The following SPA17 variants were observed in gnomAD, a reference collection of about 807,000 sequenced individuals.
The protein encoded by SPA17 is sperm autoantigenic protein 17, also known as sperm surface protein Sp17.
In SPA17, 7 loss-of-function variants were observed where a neutral mutation model predicts 13.8. The observed-to-expected ratio is 0.51, with a 90% CI of 0.29 to 0.95. SPA17 has a LOEUF of 0.95. Ranked by LOEUF, SPA17 falls within the 40% of genes least tolerant of loss-of-function variation. SPA17 has a pLI of 0.08. For synonymous variants in SPA17, 61 were observed against 59.0 expected (o/e 1.03, Z -0.16); for missense variants, 170 against 179.3 (o/e 0.95, Z 0.30).
intron 4 of SPA17, among the ~76,000 whole-genome samples, chr11:124,692,070 C>T (rs1171788362): frequency 1.3e-5 from 2 of 152,182 alleles, no homozygotes; most frequent in East Asian, 3.9e-4. Flanking sequence ...CAGACCCAGT[C>T]ATGATCCTTC....
chr11:124,681,308 A>G (rs1190394688), intron 2 of SPA17, 81 bp from the exon 3 acceptor site: 2 of 1,163,230 alleles, frequency 1.7e-6, no homozygotes, highest in East Asian at 2.8e-5. Context: ...TTGAAACAAG[A>G]AACTTACATT....
At position 124,694,693 on chromosome 11, in the gene SPA17, A is replaced by G. The variant is rs1943656318; in HGVS notation, c.*247A>G. The G allele has an allele frequency of 5.6e-6, 2 of 355,102 alleles. No individual in the cohort carries two copies. Among genetic ancestry groups the G allele is most frequent in the Non-Finnish European group, 1.0e-5 (2 of 198,432 alleles). The allele number at this position is 355,102 out of a possible 1,614,324, so 22.0% of individuals were successfully genotyped here. On this transcript the variant is annotated 3_prime_UTR_variant, in exon 5 of 5. Transcript: ENST00000227135. ...CCTATCTATAGAGACCCTTGGATTT[A>G]GAATTATAGAACTAAAGTATCTGAG...
At chr11:124,684,966 T>A (rs1462447667) in intron 3 of SPA17, among the ~76,000 whole-genome samples, 1 of 152,218 alleles carries the variant, frequency 6.6e-6, no homozygotes, top group African/African-American at 2.4e-5. Context: ...ATCATAAAAG[T>A]TTGGAAAATT....
chr11:124,688,891 C>T (rs1943599168), intron 3 of SPA17, among the ~76,000 whole-genome samples: 1 of 152,154 alleles, frequency 6.6e-6, no homozygotes, highest in Non-Finnish European at 1.5e-5. Flanking sequence ...GTGGAAAAGA[C>T]AGCAATTACT....
chr11:124,693,909 T>G (rs1943647545), intron 4 of SPA17, among the ~76,000 whole-genome samples: 1 of 152,206 alleles, frequency 6.6e-6, no homozygotes, highest in South Asian at 2.1e-4. Flanking sequence ...TCTAATTCAT[T>G]ATATGTAATT....
At chr11:124,691,845 C>A in intron 4 of SPA17, 63 bp downstream of exon 4, 2 of 1,046,268 alleles carry the variant, frequency 1.9e-6, no homozygotes, top group Non-Finnish European at 2.8e-6. Flanking sequence ...CAATTTAAAA[C>A]TGAACTCCAA....
chr11:124,678,372 G>A (rs969574556), intron 2 of SPA17, among the ~76,000 whole-genome samples: 3 of 151,974 alleles, frequency 2.0e-5, no homozygotes, highest in Non-Finnish European at 4.4e-5. Flanking sequence ...GTCTCATGAT[G>A]TTGTCCAGGC....
rs565184948 is a variant in SPA17, at chr11:124,673,926, G to C, written c.-54G>C. The C allele has an allele frequency of 3.4e-6, 2 of 587,990 alleles. No homozygotes were observed. The highest frequency in any genetic ancestry group is 3.0e-6 in the Non-Finnish European group (1 of 332,430). 36.4% of individuals were successfully genotyped at this position (587,990 alleles called of 1,614,324 possible). ...AGCAACTAGAAAAACAACCGGAACC[G>C]GCGGCACCAGCTCGGAGAGAAAGGA... On this transcript the variant is annotated 5_prime_UTR_variant, in exon 1 of 5. Transcript: ENST00000227135.
At chr11:124,692,929 A>G (rs1943637141) in intron 4 of SPA17, among the ~76,000 whole-genome samples, 1 of 152,198 alleles carries the variant, frequency 6.6e-6, no homozygotes, top group African/African-American at 2.4e-5. Flanking sequence ...GGAATACCCT[A>G]CTTCCTACCT....
intron 3 of SPA17, among the ~76,000 whole-genome samples, chr11:124,682,612 A>G (rs1943539061): frequency 1.3e-5 from 2 of 152,180 alleles, no homozygotes; most frequent in Non-Finnish European, 2.9e-5. Flanking sequence ...AAATACATTC[A>G]AAAGATTTAA....
intron 4 of SPA17, among the ~76,000 whole-genome samples, chr11:124,692,449 G>A (rs559145537): frequency 2.2e-4 from 34 of 152,102 alleles, no homozygotes; most frequent in African/African-American, 6.0e-4. Flanking sequence ...GCATGGTGGC[G>A]GGCGCCTGTA....
At chr11:124,684,965 G>T (rs927831005) in intron 3 of SPA17, among the ~76,000 whole-genome samples, 1 of 152,226 alleles carries the variant, frequency 6.6e-6, no homozygotes, top group Non-Finnish European at 1.5e-5. Flanking sequence ...GATCATAAAA[G>T]TTTGGAAAAT....
At chr11:124,690,548 A>G (rs1325564698) in intron 3 of SPA17, among the ~76,000 whole-genome samples, 2 of 152,232 alleles carry the variant, frequency 1.3e-5, no homozygotes, top group South Asian at 4.1e-4. Context: ...GACACCCTAA[A>G]AGCCCTGACT....
chr11:124,679,378 A>T (rs1056581237), intron 2 of SPA17, among the ~76,000 whole-genome samples: 2 of 152,150 alleles, frequency 1.3e-5, no homozygotes, highest in Non-Finnish European at 2.9e-5. Context: ...GTTATTCTGA[A>T]ATTATATAGT....
rs1943672833 is a variant in SPA17, at chr11:124,696,507, CATG to C, written c.*2062_*2064del. 1 of 150,608 alleles carries C rather than the reference CATG, an allele frequency of 6.6e-6. No individual in the cohort carries two copies. The highest frequency in any genetic ancestry group is 1.5e-5 in the Non-Finnish European group (1 of 67,812). 9.3% of individuals were successfully genotyped at this position (150,608 alleles called of 1,614,324 possible). ...CACACACACACACACACACAGATCT[CATG>C]GTAGTGATATTGGTAGTGAAGGAGG... On this transcript the variant is annotated 3_prime_UTR_variant, in exon 5 of 5. Coordinates refer to ENST00000227135, the MANE Select transcript of SPA17 (RefSeq NM_017425.4).
chr11:124,677,743 A>AT (rs1171451798), intron 2 of SPA17, among the ~76,000 whole-genome samples: 1 of 152,244 alleles, frequency 6.6e-6, no homozygotes, highest in Non-Finnish European at 1.5e-5. Context: ...TTATATCCCA[A>AT]TGGGTTAATA....
chr11:124,691,398 A>G (rs1004403686), intron 3 of SPA17, among the ~76,000 whole-genome samples: 1 of 152,206 alleles, frequency 6.6e-6, no homozygotes, highest in African/African-American at 2.4e-5. Flanking sequence ...AACTTTTAGT[A>G]TAGGACAGTG....
Position 124,681,433 on chromosome 11 carries a change from C to T in SPA17, c.199C>T (p.Arg67Cys), listed in dbSNP as rs925623136. 4.4e-5 allele frequency: 70 copies of T among 1,585,540 alleles called. No individual in the cohort carries two copies. The highest frequency in any genetic ancestry group is 3.2e-4 in the East Asian group (14 of 43,618). The change falls in exon 3 of 5, where the codon CGC becomes TGC. Residue 67 changes from arginine (R) to cysteine (C), a missense_variant. Coordinates refer to ENST00000227135, the MANE Select transcript of SPA17 (RefSeq NM_017425.4). Reference sequence around the variant, plus strand: ...AGAATGGGGGAGTAAGGTAGAAGACCGCTTCTATAACAATCATGCATTCGA... The same window carrying T: ...AGAATGGGGGAGTAAGGTAGAAGACTGCTTCTATAACAATCATGCATTCGA... ...PAEWGSKVED[R>C]FYNNHAFEEQ...
chr11:124,682,783 A>G (rs1943541421), intron 3 of SPA17, among the ~76,000 whole-genome samples: 1 of 152,162 alleles, frequency 6.6e-6, no homozygotes, highest in Non-Finnish European at 1.5e-5. Flanking sequence ...CGCAAGGACA[A>G]AAAGATCAGA....
Sources: gnomAD v4.1 joint callset for allele counts (sites outside exome capture counted in the v4.1 genomes callset) on GRCh38, gnomAD v4.1.1 for gene constraint, MANE v1.5 for transcripts, NCBI Gene and HGNC (gene_info 2026-07-23, HGNC 2026-07-21) for gene names.